Variants in FAM53A observed in about 807,000 individuals in gnomAD.
FAM53A encodes family with sequence similarity 53 member A, also known as protein FAM53A.
A neutral mutation model predicts 26.6 loss-of-function variants in FAM53A; 28 were observed. The observed-to-expected ratio is 1.05, with a 90% CI of 0.78 to 1.45. The LOEUF is 1.45. Among genes scored for constraint, FAM53A ranks in the 40% most tolerant of loss-of-function variants. The pLI, the probability that FAM53A is intolerant of heterozygous loss-of-function variation, is 0.00. For missense variants in FAM53A, 650 were observed against 575.8 expected (o/e 1.13, Z -1.32); for synonymous variants, 290 against 253.1 (o/e 1.15, Z -1.38).
the FAM53A span, among the ~76,000 whole-genome samples, chr4:1,604,882 T>C: frequency 2.6e-5 from 4 of 152,082 alleles, no homozygotes; most frequent in African/African-American, 9.7e-5. Flanking sequence ...CGCAGTGCTG[T>C]CTGCCAGCTG....
At chr4:1,626,593 C>T (rs1338688781) in intron 1 of FAM53A, among the ~76,000 whole-genome samples, 4 of 150,608 alleles carry the variant, frequency 2.7e-5, no homozygotes, top group Non-Finnish European at 5.9e-5. Flanking sequence ...TGTAGACTCT[C>T]AGCCACAGTG....
rs1009245978 is a variant in FAM53A, at chr4:1,678,183, C to T, written c.-165+6050G>A. Among the ~76,000 whole-genome samples the T allele has an allele frequency of 5.9e-5, 9 of 152,098 alleles. No individual in the cohort carries two copies. In the East Asian group the frequency reaches 7.7e-4, roughly 13 times the overall value. ...CAGCCTGGGCAACATAGCAAGACTC[C>T]ATCTCTACATAAAATTTTAAAATTA... On this transcript the variant is annotated intron_variant, in intron 1 of 4. Coordinates refer to ENST00000308132, the MANE Select transcript of FAM53A (RefSeq NM_001174070.3).
chr4:1,593,696 A>C, the FAM53A span, among the ~76,000 whole-genome samples: 3 of 152,038 alleles, frequency 2.0e-5, no homozygotes, highest in Admixed American at 1.3e-4. Flanking sequence ...CCGGGGTATA[A>C]ATTACACGGC....
chr4:1,618,514 T>C (rs1015599214), intron 1 of FAM53A, among the ~76,000 whole-genome samples: 2 of 152,142 alleles, frequency 1.3e-5, no homozygotes, highest in African/African-American at 2.4e-5. Context: ...CAGAGTCTCC[T>C]GGCCCTGCTG....
chr4:1,646,878 C>A (rs541270263), intron 4 of FAM53A, among the ~76,000 whole-genome samples: 1 of 152,288 alleles, frequency 6.6e-6, no homozygotes, highest in South Asian at 2.1e-4. Flanking sequence ...GCCTTCTCTA[C>A]GTGGCAAAAG....
At chr4:1,604,746 C>T in the FAM53A span, among the ~76,000 whole-genome samples, 1 of 152,164 alleles carries the variant, frequency 6.6e-6, no homozygotes, top group South Asian at 2.1e-4. Flanking sequence ...CCTCCTGCTT[C>T]CCCAGAGCAT....
chr4:1,642,900 C>T (rs750185133), intron 4 of FAM53A, among the ~76,000 whole-genome samples: 4 of 152,348 alleles, frequency 2.6e-5, no homozygotes, highest in Non-Finnish European at 5.9e-5. Context: ...CCACTGGCCA[C>T]GCCTGCAGGG....
intron 4 of FAM53A, among the ~76,000 whole-genome samples, chr4:1,643,711 T>A (rs1577105575): frequency 6.6e-6 from 1 of 151,376 alleles, no homozygotes; most frequent in South Asian, 2.1e-4. Flanking sequence ...AGACAACAGG[T>A]ACATACCATC....
the FAM53A span, among the ~76,000 whole-genome samples, chr4:1,578,832 G>A: frequency 2.2e-5 from 1 of 44,494 alleles, no homozygotes; most frequent in African/African-American, 9.5e-5. Flanking sequence ...AGGGGGAGGG[G>A]AGAGAAGAGG....
intron 3 of FAM53A, among the ~76,000 whole-genome samples, chr4:1,656,048 C>T (rs73798407): frequency 0.086 from 13,154 of 152,260 alleles, 1,649 homozygotes; most frequent in African/African-American, 0.27. Context: ...TTCCCGCATC[C>T]TCAAAATGCC....
chr4:1,645,275 G>A (rs929347678), intron 4 of FAM53A, among the ~76,000 whole-genome samples: 1 of 152,266 alleles, frequency 6.6e-6, no homozygotes, highest in Non-Finnish European at 1.5e-5. Context: ...GAGATGGCCA[G>A]AGCAAGCTCC....
At chr4:1,655,823 C>A in intron 3 of FAM53A, 100 bp from the exon 4 acceptor site, 2 of 1,361,850 alleles carry the variant, frequency 1.5e-6, no homozygotes, top group Non-Finnish European at 1.9e-6. Flanking sequence ...GTCAAGGGCA[C>A]AACCCCATCG....
the FAM53A span, among the ~76,000 whole-genome samples, chr4:1,584,461 A>G: frequency 6.6e-6 from 1 of 152,252 alleles, no homozygotes; most frequent in African/African-American, 2.4e-5. Flanking sequence ...ATTATTCTAC[A>G]ACCTTGCATC....
At chr4:1,614,326 G>T (rs985426227), downstream of FAM53A, among the ~76,000 whole-genome samples, 1 of 151,370 alleles carries the variant, frequency 6.6e-6, no homozygotes, top group South Asian at 2.1e-4. Flanking sequence ...ACCCACCGGC[G>T]AAGGGGTGAG....
chr4:1,626,329 G>A (rs1282404312), intron 1 of FAM53A, among the ~76,000 whole-genome samples: 2 of 152,230 alleles, frequency 1.3e-5, no homozygotes, highest in African/African-American at 2.4e-5. Context: ...TCCTTCCACA[G>A]CATCTCACAG....
At chr4:1,666,675 G>A (rs1221865587) in intron 2 of FAM53A, among the ~76,000 whole-genome samples, 1 of 152,266 alleles carries the variant, frequency 6.6e-6, no homozygotes, top group Non-Finnish European at 1.5e-5. Flanking sequence ...CTTGGTTAGA[G>A]ACACCTTAAA....
At chr4:1,582,681 C>T in the FAM53A span, among the ~76,000 whole-genome samples, 7 of 152,092 alleles carry the variant, frequency 4.6e-5, no homozygotes, top group African/African-American at 1.4e-4. Flanking sequence ...AATGGTGAGA[C>T]CCCATCTCTA....
intron 2 of FAM53A, among the ~76,000 whole-genome samples, chr4:1,661,462 T>A (rs1040997300): frequency 1.3e-5 from 2 of 152,196 alleles, no homozygotes; most frequent in African/African-American, 2.4e-5. Flanking sequence ...GCACAGCCAG[T>A]GCAGCACAGA....
At chr4:1,670,980 C>A (rs1714600036) in intron 1 of FAM53A, among the ~76,000 whole-genome samples, 1 of 149,584 alleles carries the variant, frequency 6.7e-6, no homozygotes, top group Non-Finnish European at 1.5e-5. Flanking sequence ...CAGCCACGGC[C>A]CGGACTCACC....
Sources: allele counts gnomAD v4.1 joint callset (sites outside exome capture counted in the v4.1 genomes callset), GRCh38; gene constraint gnomAD v4.1.1; transcripts MANE v1.5; gene names NCBI Gene and HGNC (gene_info 2026-07-23, HGNC 2026-07-21).